IQCN: variants seen among roughly 807,000 people sequenced by gnomAD.
IQCN encodes the protein IQ domain-containing protein N.
IQCN carries 46 observed loss-of-function variants against 64.4 expected under a neutral mutation model. The observed-to-expected ratio is 0.71, with a 90% CI of 0.56 to 0.91. IQCN has a LOEUF of 0.91. IQCN is among the 40% of genes least tolerant of loss of function. The probability of loss-of-function intolerance (pLI) is 0.00; values close to 1 mark genes in which losing one functional copy is unlikely to be tolerated. For missense variants in IQCN, 1,753 were observed against 1,857.4 expected (o/e 0.94, Z 1.03); for synonymous variants, 733 against 775.6 (o/e 0.95, Z 0.91).
intron 1 of IQCN, among the ~76,000 whole-genome samples, chr19:18,271,615 T>G (rs575021000): frequency 5.7e-4 from 87 of 152,226 alleles, no homozygotes; most frequent in African/African-American, 1.9e-3. Context: ...AGATAATTGC[T>G]GGATCGGCCA....
In IQCN at chr19:18,257,842, G is replaced by T; in HGVS notation, c.3442C>A (p.Arg1148Ser). The T allele has an allele frequency of 6.2e-7, 1 of 1,611,664 alleles. No individual in the cohort carries two copies. Among genetic ancestry groups the T allele is most frequent in the Non-Finnish European group, 8.5e-7 (1 of 1,179,792 alleles). ...AGGTTCCGCCGCACACGGTAGCCGC[G>T]CCAAGTAGCTTGGATGACCATGGCC... ...RGAMVIQATW[R>S]GYRVRRNLAH... Residue 1148 changes from arginine (R) to serine (S), a missense_variant, in exon 4 of 4, where the codon CGC becomes AGC. Physicochemically the swap from Arg to Ser is moderately radical, Grantham distance 110 (BLOSUM62 -1). Transcript: ENST00000392413.
In IQCN at chr19:18,266,053, C is replaced by T. The variant is rs138404210; in HGVS notation, c.1487G>A (p.Arg496His). Residue 496 changes from arginine to histidine, a missense_variant, in exon 3 of 4, where the codon CGC becomes CAC. Arg to His is a conservative substitution (Grantham distance 29). Transcript: ENST00000392413. The surrounding 1 kb of genome is among the most constrained non-coding windows in gnomAD (Gnocchi z 4.3). ...VGVTKPSPQT[R>H]LPAMITKTPA... Reference sequence around the variant, plus strand: ...GGTCTTGGTTATCATGGCTGGCAGGCGGGTCTGGGGTGAGGGCTTGGTCAC... The same window carrying T: ...GGTCTTGGTTATCATGGCTGGCAGGTGGGTCTGGGGTGAGGGCTTGGTCAC... The T allele has an allele frequency of 2.9e-5, 46 of 1,612,814 alleles. No individual in the cohort carries two copies. The African/African-American group carries it at 3.1e-4, about 11-fold the overall frequency.
Position 18,269,449 on chromosome 19 carries a change from A to G in IQCN, c.13+17T>C, listed in dbSNP as rs1271457812. On this transcript the variant is annotated intron_variant, in intron 2 of 3. Coordinates refer to ENST00000392413, the MANE Select transcript of IQCN (RefSeq NM_001145304.2). ...GTTGGACTAGCCAGACCCCTTGCCC[A>G]TAGACCATCTTCTTACCTTGAAGGG... is the stretch of plus-strand genomic sequence containing the variant. 6.2e-7 allele frequency: 1 copy of G among 1,613,748 alleles called. No individual in the cohort carries two copies. The highest frequency in any genetic ancestry group is 8.5e-7 in the Non-Finnish European group (1 of 1,179,830).
In IQCN at chr19:18,265,792, A is replaced by T. The variant is rs753484620; in HGVS notation, c.1748T>A (p.Leu583Gln). 29 of 1,614,048 alleles carry T rather than the reference A, an allele frequency of 1.8e-5. No individual in the cohort carries two copies. The highest frequency in any genetic ancestry group is 9.3e-5 in the African/African-American group (7 of 74,920). ...SYLAEGKIRC[L>Q]AQPHPGTGVP... ...CCCAGTTCCCGGATGTGGTTGAGCCAGGCACCTGATCTTCCCCTCAGCCAA... is the reference window on the plus strand; with the variant it reads ...CCCAGTTCCCGGATGTGGTTGAGCCTGGCACCTGATCTTCCCCTCAGCCAA... Residue 583 changes from leucine (L) to glutamine (Q), a missense_variant, in exon 3 of 4, where the codon CTG becomes CAG. Leu to Gln is a moderately radical substitution (Grantham distance 113). Coordinates refer to ENST00000392413, the MANE Select transcript of IQCN (RefSeq NM_001145304.2). This position sits in a 1 kb window ranked among gnomAD's most constrained non-coding sequence, Gnocchi z 4.7.
At position 18,266,928 on chromosome 19, in the gene IQCN, T is replaced by C. The variant is rs1449948130; in HGVS notation, c.612A>G (p.Arg204=). Residue 204 remains arginine, a synonymous_variant, in exon 3 of 4, where the codon AGA becomes AGG. Coordinates refer to ENST00000392413, the MANE Select transcript of IQCN (RefSeq NM_001145304.2). The surrounding 1 kb of genome is among the most constrained non-coding windows in gnomAD (Gnocchi z 4.3). ...GCTGCAGGAGGGGGGACGACTGGGG[T>C]CTGCAGAGGACCAGATTGTCACAGG... ...FPSCDNLVLC[R]PQSSPLLQPP... is the part of the protein sequence containing the mutation. 4 of 1,608,822 alleles carry C rather than the reference T, an allele frequency of 2.5e-6. No homozygotes were observed. The highest frequency in any genetic ancestry group is 3.4e-6 in the Non-Finnish European group (4 of 1,176,496).
intron 3 of IQCN, chr19:18,258,776 T>G: frequency 4.2e-6 from 1 of 240,874 alleles, no homozygotes; most frequent in Non-Finnish European, 8.3e-6. Context: ...GATTTGGGGG[T>G]ATGACGTGAG....
chr19:18,266,473 G>T lies in IQCN; in HGVS notation c.1067C>A (p.Ala356Glu). Residue 356 changes from alanine to glutamate, a missense_variant, in exon 3 of 4, where the codon GCG (alanine) becomes GAG (glutamate). Coordinates refer to ENST00000392413, the MANE Select transcript of IQCN (RefSeq NM_001145304.2). This position sits in a 1 kb window ranked among gnomAD's most constrained non-coding sequence, Gnocchi z 4.3. ...VSVTLPQTYPASTMTTTPPKT... is the reference protein window; with the variant it reads ...VSVTLPQTYPESTMTTTPPKT... ...GGGTGGGGTGGTGGTCATCGTGGAC[G>T]CTGGATATGTCTGTGGCAGGGTCAC... 1 of 1,586,646 alleles carries T rather than the reference G, an allele frequency of 6.3e-7. No homozygotes were observed. Among genetic ancestry groups the T allele is most frequent in the Non-Finnish European group, 8.6e-7 (1 of 1,166,934 alleles).
chr19:18,266,006 C>T lies in IQCN; in HGVS notation c.1534G>A (p.Ala512Thr), dbSNP rs749516603. Residue 512 changes from alanine to threonine, a missense_variant, in exon 3 of 4, where the codon GCC becomes ACC. By Grantham distance (58) the Ala-to-Thr change is moderately conservative. Coordinates refer to ENST00000392413, the MANE Select transcript of IQCN (RefSeq NM_001145304.2). This position sits in a 1 kb window ranked among gnomAD's most constrained non-coding sequence, Gnocchi z 4.3. ...TKTPAQLRSV[A>T]TILKTLCLAS... ...AGACACAGAGTCTTGAGGATGGTGGCCACCGAGCGTAACTGGGCTGGGGTC... is the reference window on the plus strand; with the variant it reads ...AGACACAGAGTCTTGAGGATGGTGGTCACCGAGCGTAACTGGGCTGGGGTC... 5 of 1,613,838 alleles carry T rather than the reference C, an allele frequency of 3.1e-6. No homozygotes were observed. The highest frequency in any genetic ancestry group is 4.2e-6 in the Non-Finnish European group (5 of 1,179,920).
rs1170327885 is a variant in IQCN at position 18,264,342 on chromosome 19, C to A, written c.3177+21G>T. ...GGCCCATGGTGAAACAACCCCAGAT[C>A]CCAACCTGGGAATCCCTGACCTTGC... is the stretch of plus-strand genomic sequence containing the variant. On this transcript the variant is annotated intron_variant, in intron 3 of 3. Coordinates refer to ENST00000392413, the MANE Select transcript of IQCN (RefSeq NM_001145304.2). The surrounding 1 kb of genome is among the most constrained non-coding windows in gnomAD (Gnocchi z 4.3). The A allele has an allele frequency of 6.9e-7, 1 of 1,451,332 alleles. No homozygotes were observed. Among genetic ancestry groups the A allele is most frequent in the South Asian group, 1.4e-5 (1 of 69,562 alleles). The allele number at this position is 1,451,332 out of a possible 1,614,324, so 89.9% of individuals were successfully genotyped here.
Position 18,265,430 on chromosome 19 carries a change from G to A in IQCN, c.2110C>T (p.Pro704Ser). 2 of 1,614,198 alleles carry A rather than the reference G, an allele frequency of 1.2e-6. No homozygotes were observed. The highest frequency in any genetic ancestry group is 1.7e-6 in the Non-Finnish European group (2 of 1,180,018). ...GHLPTELTKT[P>S]SLAHLDTCLS... ...CAGGTGTCCAGATGGGCCAGGGATG[G>A]GGTCTTGGTCAGCTCAGTGGGCAGA... The change falls in exon 3 of 4, where the codon CCA becomes TCA. Residue 704 changes from proline to serine, a missense_variant. Coordinates refer to ENST00000392413, the MANE Select transcript of IQCN (RefSeq NM_001145304.2). This position sits in a 1 kb window ranked among gnomAD's most constrained non-coding sequence, Gnocchi z 4.7.
intron 2 of IQCN, 87 bp downstream of exon 2, chr19:18,269,379 G>T: frequency 1.4e-6 from 2 of 1,396,400 alleles, no homozygotes; most frequent in Non-Finnish European, 1.0e-6. Flanking sequence ...CTGATGCATA[G>T]CCTGGAGCAC....
intron 1 of IQCN, 118 bp downstream of exon 1, chr19:18,274,282 AGAG>A (rs5827407): frequency 0.23 from 35,101 of 151,650 alleles, 4,072 homozygotes; most frequent in East Asian, 0.33. Flanking sequence ...ACTGGGGGCC[AGAG>A]GAGAACGACA....
rs551573904 is a variant in IQCN, at chr19:18,269,427, G to A, written c.13+39C>T. ...TGGCAGAAGCCCCTCTCTTCAGGTT[G>A]GACTAGCCAGACCCCTTGCCCATAG... On this transcript the variant is annotated intron_variant, in intron 2 of 3. Transcript: ENST00000392413. The A allele has an allele frequency of 1.2e-5, 19 of 1,608,100 alleles. No homozygotes were observed. In the South Asian group the frequency reaches 1.9e-4, roughly 16 times the overall value.
intron 3 of IQCN, 142 bp from the exon 4 acceptor site, chr19:18,258,248 C>T: frequency 1.1e-6 from 1 of 898,516 alleles, no homozygotes; most frequent in East Asian, 2.6e-5. Flanking sequence ...AGCCTAGAGA[C>T]ACCCTCCGAA....
Position 18,257,526 on chromosome 19 carries a change from G to C in IQCN, c.3758C>G (p.Pro1253Arg), listed in dbSNP as rs1969323897. 6.2e-7 allele frequency: 1 copy of C among 1,611,572 alleles called. No homozygotes were observed. The highest frequency in any genetic ancestry group is 8.5e-7 in the Non-Finnish European group (1 of 1,179,520). The change falls in exon 4 of 4, where the codon CCT becomes CGT. Residue 1253 changes from proline (P) to arginine (R), a missense_variant. Transcript: ENST00000392413. ...PSVVMLVGSS[P>R]RTCHTCGRTQ... ...GCGTCCACAGGTATGACAGGTGCGAGGGCTGGAGCCCACTAGCATCACCAC... is the reference window on the plus strand; with the variant it reads ...GCGTCCACAGGTATGACAGGTGCGACGGCTGGAGCCCACTAGCATCACCAC...
At chr19:18,272,461 G>A (rs1444846686) in intron 1 of IQCN, among the ~76,000 whole-genome samples, 1 of 151,572 alleles carries the variant, frequency 6.6e-6, no homozygotes, top group East Asian at 2.0e-4. Flanking sequence ...TGTTGAGAGG[G>A]CTGCAGAAAG....
At position 18,257,257 on chromosome 19, in the gene IQCN, G is replaced by A; in HGVS notation, c.4027C>T (p.Leu1343=). The part of the protein sequence containing the change: ...TWRGHHTRSC[L]KNTEALLGPA... The stretch of plus-strand genomic sequence containing the variant: ...CCCAAGAGCGCCTCTGTGTTCTTCA[G>A]ACAGCTCCGGGTATGGTGGCCTCGC... Residue 1343 remains leucine (L), a synonymous_variant, in exon 4 of 4, where the codon CTG becomes TTG. Coordinates refer to ENST00000392413, the MANE Select transcript of IQCN (RefSeq NM_001145304.2). The A allele has an allele frequency of 6.2e-7, 1 of 1,613,724 alleles. No individual in the cohort carries two copies. The highest frequency in any genetic ancestry group is 8.5e-7 in the Non-Finnish European group (1 of 1,180,036).
Position 18,264,404 on chromosome 19 carries a change from A to G in IQCN, c.3136T>C (p.Trp1046Arg), listed in dbSNP as rs1472842071. The change falls in exon 3 of 4, where the codon TGG (tryptophan) becomes CGG (arginine). Residue 1046 changes from tryptophan (W) to arginine (R), a missense_variant. By Grantham distance (101) the Trp-to-Arg change is moderately radical. Coordinates refer to ENST00000392413, the MANE Select transcript of IQCN (RefSeq NM_001145304.2). The surrounding 1 kb of genome is among the most constrained non-coding windows in gnomAD (Gnocchi z 4.3). Reference sequence around the variant, plus strand: ...CTCACGGGGCCCAGGGAGGGCCCCCATGCGGCCGATGGACTCCTCCTGCAG... The same window carrying G: ...CTCACGGGGCCCAGGGAGGGCCCCCGTGCGGCCGATGGACTCCTCCTGCAG... ...VACRRSPSAA[W>R]GPSLGPVRPQ... The G allele has an allele frequency of 5.2e-6, 8 of 1,530,318 alleles. No individual in the cohort carries two copies. Among genetic ancestry groups the G allele is most frequent in the Non-Finnish European group, 7.0e-6 (8 of 1,135,888 alleles). 94.8% of individuals were successfully genotyped at this position (1,530,318 alleles called of 1,614,324 possible).
intron 1 of IQCN, among the ~76,000 whole-genome samples, chr19:18,273,900 T>C (rs1600141203): frequency 6.6e-6 from 1 of 152,038 alleles, no homozygotes; most frequent in Non-Finnish European, 1.5e-5. Context: ...TCGGTAATTT[T>C]GAGTAAACCC....
Sources: gnomAD v4.1 joint callset for allele counts (sites outside exome capture counted in the v4.1 genomes callset) on GRCh38, gnomAD v4.1.1 for gene constraint, Gnocchi (gnomAD v3.1) non-coding constraint, MANE v1.5 for transcripts, NCBI Gene and HGNC (gene_info 2026-07-23, HGNC 2026-07-21) for gene names.